RNF216: variants seen among roughly 807,000 people sequenced by gnomAD.
RNF216 encodes the protein E3 ubiquitin-protein ligase RNF216.
RNF216 carries 72 observed loss-of-function variants against 110.8 expected under a neutral mutation model. The observed-to-expected ratio is 0.65, with a 90% CI of 0.54 to 0.79. The LOEUF is 0.79. RNF216 is among the 30% of genes least tolerant of loss of function. RNF216 has a pLI of 0.00. For synonymous variants in RNF216, 495 were observed against 407.5 expected (o/e 1.21, Z -2.59); for missense variants, 1,342 against 1,141.2 (o/e 1.18, Z -2.54).
intron 1 of RNF216, among the ~76,000 whole-genome samples, chr7:5,762,701 C>CA (rs1304924001): frequency 6.6e-6 from 1 of 150,882 alleles, no homozygotes; most frequent in African/African-American, 2.4e-5. Flanking sequence ...CGAAAACAAA[C>CA]AAACAAACAA....
At chr7:5,675,553 G>T (rs958506979) in intron 13 of RNF216, among the ~76,000 whole-genome samples, 2 of 152,088 alleles carry the variant, frequency 1.3e-5, no homozygotes, top group African/African-American at 4.8e-5. Flanking sequence ...GAGGCAGGGG[G>T]ATTGCTTGAG....
At chr7:5,673,413 C>T (rs1211146401) in intron 13 of RNF216, among the ~76,000 whole-genome samples, 1 of 152,092 alleles carries the variant, frequency 6.6e-6, no homozygotes, top group Non-Finnish European at 1.5e-5. Context: ...GGGGGACTGG[C>T]CTGGTTTGCG....
chr7:5,781,386 G>T (rs1472901794), intron 1 of RNF216, among the ~76,000 whole-genome samples, 155 bp downstream of exon 1: 1 of 140,136 alleles, frequency 7.1e-6, no homozygotes, highest in Non-Finnish European at 1.5e-5. Flanking sequence ...GCCCGATCCC[G>T]CCCGGGCCTC....
intron 13 of RNF216, among the ~76,000 whole-genome samples, chr7:5,690,872 G>A (rs1791292219): frequency 1.3e-5 from 2 of 152,146 alleles, no homozygotes; most frequent in Non-Finnish European, 2.9e-5. Context: ...ATACGCACAT[G>A]TGTAAAATGT....
At chr7:5,725,209 A>C (rs1793675031) in intron 8 of RNF216, 115 bp downstream of exon 8, 2 of 619,230 alleles carry the variant, frequency 3.2e-6, no homozygotes, top group Non-Finnish European at 5.7e-6. Context: ...CACTCCTTGG[A>C]CTGGCCTGTC....
At chr7:5,633,192 TG>T (rs1421808396) in intron 15 of RNF216, among the ~76,000 whole-genome samples, 7 of 151,820 alleles carry the variant, frequency 4.6e-5, no homozygotes, top group Non-Finnish European at 1.0e-4. Context: ...TTGGCCAGGC[TG>T]GTCTCGAACT....
At chr7:5,653,600 C>CA (rs34530431) in intron 13 of RNF216, among the ~76,000 whole-genome samples, 19,987 of 50,410 alleles carry the variant, frequency 0.4, 5,029 homozygotes, top group East Asian at 0.55. Context: ...GACTCTGTCT[C>CA]AAAAAAAAAA....
chr7:5,727,825 T>C (rs1364145801), intron 7 of RNF216, among the ~76,000 whole-genome samples: 1 of 151,904 alleles, frequency 6.6e-6, no homozygotes, highest in African/African-American at 2.4e-5. Context: ...CGCTTGGTCT[T>C]TGCATGTCAG....
chr7:5,740,851 T>C (rs1042923624), intron 4 of RNF216, 122 bp downstream of exon 4: 60 of 875,978 alleles, frequency 6.8e-5, no homozygotes, highest in South Asian at 2.4e-4. Context: ...CATCTAGATA[T>C]ATACTTCTTA....
chr7:5,742,784 C>A (rs1039163633), intron 3 of RNF216, among the ~76,000 whole-genome samples: 1 of 151,134 alleles, frequency 6.6e-6, no homozygotes, highest in Non-Finnish European at 1.5e-5. Context: ...TTGTTAGAGA[C>A]AGGGTTTTGC....
At chr7:5,683,894 C>T (rs1790807601) in intron 13 of RNF216, among the ~76,000 whole-genome samples, 1 of 152,108 alleles carries the variant, frequency 6.6e-6, no homozygotes, top group South Asian at 2.1e-4. Context: ...CACATGAATT[C>T]TCCAGCCTGC....
chr7:5,738,238 A>T (rs916908405), intron 5 of RNF216, among the ~76,000 whole-genome samples: 1 of 152,026 alleles, frequency 6.6e-6, no homozygotes, highest in African/African-American at 2.4e-5. Flanking sequence ...AAATTTTTTT[A>T]AAATAAGAGA....
intron 5 of RNF216, among the ~76,000 whole-genome samples, chr7:5,736,917 C>T (rs1419778799): frequency 1.3e-4 from 20 of 150,686 alleles, no homozygotes; most frequent in Non-Finnish European, 1.8e-4. Context: ...GGAGCCCCTC[C>T]GCCCGGCAGC....
At chr7:5,751,827 TAAAAAAAAAAAAAAAAA>T (rs3075700) in intron 3 of RNF216, among the ~76,000 whole-genome samples, 1 of 37,276 alleles carries the variant, frequency 2.7e-5, no homozygotes, top group African/African-American at 1.2e-4. Flanking sequence ...ATCTTTAAAC[TAAAAAAAAAAAAAAAAA>T]AAAAAAAAAA....
At chr7:5,648,543 G>A (rs1788186193) in intron 14 of RNF216, among the ~76,000 whole-genome samples, 1 of 151,490 alleles carries the variant, frequency 6.6e-6, no homozygotes, top group Non-Finnish European at 1.5e-5. Flanking sequence ...GGTTAACACG[G>A]TGAAACCCCG....
intron 7 of RNF216, among the ~76,000 whole-genome samples, chr7:5,726,552 C>G (rs1414976404): frequency 1.3e-5 from 2 of 152,096 alleles, no homozygotes; most frequent in African/African-American, 4.8e-5. Context: ...TTTCCCTTAT[C>G]AGGATTTAAA....
chr7:5,685,827 T>G (rs117811344), intron 13 of RNF216, among the ~76,000 whole-genome samples: 1 of 152,226 alleles, frequency 6.6e-6, no homozygotes, highest in African/African-American at 2.4e-5. Flanking sequence ...TAAATATGTA[T>G]GTTAAGAAGG....
At chr7:5,770,661 A>G (rs549326257) in intron 1 of RNF216, among the ~76,000 whole-genome samples, 1 of 152,238 alleles carries the variant, frequency 6.6e-6, no homozygotes, top group African/African-American at 2.4e-5. Context: ...AACAGCCAAG[A>G]ATAACCAAAG....
intron 1 of RNF216, among the ~76,000 whole-genome samples, chr7:5,779,820 C>T (rs568260364): frequency 7.4e-6 from 1 of 134,584 alleles, no homozygotes; most frequent in Non-Finnish European, 1.6e-5. Context: ...TACAGCCAGA[C>T]TCCGCCTCAA....
Sources: gnomAD v4.1 joint callset for allele counts (sites outside exome capture counted in the v4.1 genomes callset) on GRCh38, gnomAD v4.1.1 for gene constraint, MANE v1.5 for transcripts, NCBI Gene and HGNC (gene_info 2026-07-23, HGNC 2026-07-21) for gene names.